The following HACL1 variants were observed in gnomAD, a reference collection of about 807,000 sequenced individuals.
The protein encoded by HACL1 is 1600020H07Rik.
Under a neutral mutation model 74.2 loss-of-function variants are expected in HACL1, and 64 were observed. The ratio of observed to expected loss-of-function variants is 0.86; its 90% CI spans 0.70 to 1.06. HACL1 has a LOEUF of 1.06. HACL1 is among the 50% of genes least tolerant of loss of function. The pLI, the probability that HACL1 is intolerant of heterozygous loss-of-function variation, is 0.00. For synonymous variants in HACL1, 230 were observed against 238.8 expected, an observed-to-expected ratio of 0.96 and a Z score of 0.34; for missense variants, 728 against 719.7, an observed-to-expected ratio of 1.01 and a Z score of -0.13.
At chr3:15,574,249 T>G (rs1574917984) in intron 10 of HACL1, among the ~76,000 whole-genome samples, 1 of 152,146 alleles carries the variant, frequency 6.6e-6, no homozygotes, top group East Asian at 1.9e-4. Context: ...GCGTCTATAG[T>G]CCCAGCATGT....
chr3:15,565,016 T>C (rs1374266417), intron 14 of HACL1, among the ~76,000 whole-genome samples: 1 of 151,850 alleles, frequency 6.6e-6, no homozygotes, highest in Non-Finnish European at 1.5e-5. Context: ...AATACAAAAA[T>C]TAGCTGTGCA....
At chr3:15,591,289 A>G (rs2063888054) in intron 4 of HACL1, among the ~76,000 whole-genome samples, 1 of 152,084 alleles carries the variant, frequency 6.6e-6, no homozygotes, top group Admixed American at 6.5e-5. Context: ...TTTTTTGGTA[A>G]AAGTACCTAA....
intron 4 of HACL1, among the ~76,000 whole-genome samples, chr3:15,590,196 T>C (rs2063866357): frequency 6.6e-6 from 1 of 152,130 alleles, no homozygotes; most frequent in African/African-American, 2.4e-5. Context: ...CCAGGTATAT[T>C]GACATAAAAT....
chr3:15,598,507 A>G (rs574292488), intron 2 of HACL1, among the ~76,000 whole-genome samples: 4 of 152,314 alleles, frequency 2.6e-5, no homozygotes, highest in African/African-American at 4.8e-5. Context: ...TTCTTCATCT[A>G]TAAAATGAAA....
At chr3:15,599,235 A>G (rs1252343974) in intron 2 of HACL1, among the ~76,000 whole-genome samples, 1 of 152,250 alleles carries the variant, frequency 6.6e-6, no homozygotes, top group African/African-American at 2.4e-5. Context: ...ACTATCATTC[A>G]TCTCTGTATC....
intron 3 of HACL1, among the ~76,000 whole-genome samples, chr3:15,594,797 A>T (rs1447063749): frequency 6.6e-6 from 1 of 152,248 alleles, no homozygotes; most frequent in Non-Finnish European, 1.5e-5. Context: ...TTGCCAGTGC[A>T]GCTCCAGAAG....
intron 3 of HACL1, among the ~76,000 whole-genome samples, chr3:15,595,526 G>C (rs1371129124): frequency 7.3e-5 from 11 of 150,290 alleles, no homozygotes; most frequent in African/African-American, 2.4e-4. Context: ...AAAATACATA[G>C]ATAAGGGAAA....
chr3:15,590,914 C>T (rs2063880582), intron 4 of HACL1, among the ~76,000 whole-genome samples: 1 of 152,162 alleles, frequency 6.6e-6, no homozygotes, highest in African/African-American at 2.4e-5. Context: ...AACCTCTTCT[C>T]TACTAAAAAT....
chr3:15,569,063 A>G (rs573083584), intron 12 of HACL1, among the ~76,000 whole-genome samples: 1 of 152,266 alleles, frequency 6.6e-6, no homozygotes, highest in Admixed American at 6.5e-5. Flanking sequence ...CCCCCAACAC[A>G]CTTAAGAGTT....
chr3:15,600,519 G>A (rs1418855571), intron 2 of HACL1, among the ~76,000 whole-genome samples: 1 of 152,218 alleles, frequency 6.6e-6, no homozygotes, highest in Non-Finnish European at 1.5e-5. Flanking sequence ...GTGGCAGCAT[G>A]ATGTGGTGGA....
rs1250848467 is a variant in HACL1, at chr3:15,580,064, T to C, written c.668-19A>G. ...GCAGCACCTATAAGAAATGCAAATG[T>C]ATTGGACAATTCAGTTAAGCTATAG... is the stretch of plus-strand genomic sequence containing the variant. On this transcript the variant is annotated intron_variant, in intron 8 of 16. Coordinates refer to ENST00000321169, the MANE Select transcript of HACL1 (RefSeq NM_012260.4). The C allele has an allele frequency of 3.7e-6, 6 of 1,604,480 alleles. No homozygotes were observed. Among genetic ancestry groups the C allele is most frequent in the East Asian group, 2.2e-5 (1 of 44,736 alleles).
At chr3:15,581,576 T>A (rs2063716493) in intron 8 of HACL1, among the ~76,000 whole-genome samples, 2 of 152,234 alleles carry the variant, frequency 1.3e-5, no homozygotes, top group South Asian at 4.1e-4. Flanking sequence ...TCTCTCTTCC[T>A]GCTTTGCCTT....
intron 16 of HACL1, among the ~76,000 whole-genome samples, chr3:15,562,474 T>C (rs1473728461): frequency 1.3e-5 from 2 of 152,236 alleles, no homozygotes; most frequent in African/African-American, 4.8e-5. Context: ...AGTTAATTTA[T>C]ATTTCATTGA....
chr3:15,592,474 G>A (rs1325450523), intron 3 of HACL1, among the ~76,000 whole-genome samples: 1 of 13,126 alleles, frequency 7.6e-5, no homozygotes, highest in East Asian at 0.033. Context: ...ATACACACAC[G>A]TATACATACA....
At chr3:15,579,373 T>C (rs368217277) in intron 9 of HACL1, among the ~76,000 whole-genome samples, 2 of 151,928 alleles carry the variant, frequency 1.3e-5, no homozygotes. Flanking sequence ...AGAAAAATAT[T>C]CTTAAAAGAA....
chr3:15,578,587 G>C (rs989604188), intron 9 of HACL1, among the ~76,000 whole-genome samples: 1 of 152,186 alleles, frequency 6.6e-6, no homozygotes, highest in Non-Finnish European at 1.5e-5. Flanking sequence ...ATCAGGAAAA[G>C]GGCCACTGCA....
Position 15,576,352 on chromosome 3 carries a change from T to C in HACL1, c.804-1270A>G, listed in dbSNP as rs143386854. Among the ~76,000 whole-genome samples the C allele has an allele frequency of 7.6e-4, 115 of 152,220 alleles. 2 individuals carry two copies. The East Asian group carries it at 0.018, about 24-fold the overall frequency. ...TTAATGCACTCTTCACATTGGTCCCTAGAAGCAGGTTATTTTTAAGACTAT... is the reference window on the plus strand; with the variant it reads ...TTAATGCACTCTTCACATTGGTCCCCAGAAGCAGGTTATTTTTAAGACTAT... On this transcript the variant is annotated intron_variant, in intron 9 of 16. Coordinates refer to ENST00000321169, the MANE Select transcript of HACL1 (RefSeq NM_012260.4).
chr3:15,577,085 G>A (rs1218555350), intron 9 of HACL1, among the ~76,000 whole-genome samples: 1 of 152,126 alleles, frequency 6.6e-6, no homozygotes, highest in African/African-American at 2.4e-5. Flanking sequence ...AAAAAATTAA[G>A]TGTAAGAATT....
intron 13 of HACL1, 152 bp from the exon 14 acceptor site, chr3:15,568,154 T>A (rs2063467535): frequency 1.3e-6 from 1 of 756,750 alleles, no homozygotes. Context: ...TTTAGACTGC[T>A]AGGAACTAAT....
Sources: gnomAD v4.1 joint callset for allele counts (sites outside exome capture counted in the v4.1 genomes callset) on GRCh38, gnomAD v4.1.1 for gene constraint, MANE v1.5 for transcripts, NCBI Gene and HGNC (gene_info 2026-07-23, HGNC 2026-07-21) for gene names.